FBXL20: variants seen among roughly 807,000 people sequenced by gnomAD.
The protein encoded by FBXL20 is F-box/LRR-repeat protein 20.
FBXL20 carries 11 observed loss-of-function variants against 64.0 expected under a neutral mutation model. The ratio of observed to expected loss-of-function variants is 0.17; its 90% CI spans 0.11 to 0.28. The LOEUF is 0.28. FBXL20 is among the 10% of genes least tolerant of loss of function. The probability of loss-of-function intolerance (pLI) is 1.00; values close to 1 mark genes in which losing one functional copy is unlikely to be tolerated. For synonymous variants in FBXL20, 184 were observed against 189.0 expected, an observed-to-expected ratio of 0.97 and a Z score of 0.22; for missense variants, 303 against 526.2, an observed-to-expected ratio of 0.58 and a Z score of 4.15.
chr17:39,279,968 G>A (rs1178782775), intron 9 of FBXL20, among the ~76,000 whole-genome samples: 1 of 152,058 alleles, frequency 6.6e-6, no homozygotes, highest in African/African-American at 2.4e-5. Flanking sequence ...ATCACCTGAG[G>A]TCAGGAGTTT....
chr17:39,319,256 AAG>A (rs908594885), intron 2 of FBXL20, among the ~76,000 whole-genome samples: 8 of 152,170 alleles, frequency 5.3e-5, no homozygotes, highest in South Asian at 2.1e-4. Flanking sequence ...TCAAAAAAAA[AAG>A]AGAGAGAGAG....
chr17:39,303,984 A>G (rs947970468), intron 2 of FBXL20, among the ~76,000 whole-genome samples: 1 of 152,164 alleles, frequency 6.6e-6, no homozygotes, highest in Non-Finnish European at 1.5e-5. Flanking sequence ...TCAGTATGAT[A>G]AAGTAGTTGC....
intron 1 of FBXL20, among the ~76,000 whole-genome samples, chr17:39,393,589 G>A (rs1237985667): frequency 2.6e-5 from 4 of 151,970 alleles, no homozygotes; most frequent in Non-Finnish European, 4.4e-5. Flanking sequence ...AAATTCCTGG[G>A]ATCAAGGACA....
At chr17:39,346,972 G>A (rs145999060) in intron 1 of FBXL20, among the ~76,000 whole-genome samples, 7 of 151,838 alleles carry the variant, frequency 4.6e-5, no homozygotes, top group Admixed American at 1.3e-4. Context: ...AAGTTTGCTC[G>A]GAATGATGGT....
chr17:39,303,711 G>C, intron 2 of FBXL20, 72 bp from the exon 3 acceptor site: 4 of 1,356,326 alleles, frequency 2.9e-6, no homozygotes, highest in Non-Finnish European at 4.1e-6. Flanking sequence ...TTTTGAGACA[G>C]GGTCTCACTC....
intron 6 of FBXL20, 33 bp downstream of exon 6, chr17:39,297,094 A>G: frequency 6.5e-7 from 1 of 1,529,096 alleles, no homozygotes; most frequent in Non-Finnish European, 9.0e-7. Context: ...ATAAGGGGTT[A>G]TGACTTATCC....
chr17:39,396,716 G>A (rs987271433), intron 1 of FBXL20, among the ~76,000 whole-genome samples: 3 of 152,056 alleles, frequency 2.0e-5, no homozygotes, highest in African/African-American at 7.2e-5. Context: ...AGCACTTTGG[G>A]AGGCTGAGGT....
intron 1 of FBXL20, among the ~76,000 whole-genome samples, chr17:39,386,098 AC>A (rs1403426882): frequency 6.6e-6 from 1 of 150,998 alleles, no homozygotes; most frequent in Non-Finnish European, 1.5e-5. Flanking sequence ...TAATCTCAGC[AC>A]TTTGGGAGGC....
At chr17:39,321,312 C>G (rs1223403662) in intron 2 of FBXL20, among the ~76,000 whole-genome samples, 2 of 150,994 alleles carry the variant, frequency 1.3e-5, no homozygotes, top group African/African-American at 4.9e-5. Flanking sequence ...ATTAGCCGGG[C>G]ACGGTGGCAG....
At chr17:39,366,597 A>C (rs1242613045) in intron 1 of FBXL20, among the ~76,000 whole-genome samples, 1 of 152,202 alleles carries the variant, frequency 6.6e-6, no homozygotes, top group Non-Finnish European at 1.5e-5. Flanking sequence ...AGTCTCTTGC[A>C]TGTCTAAAAT....
At chr17:39,315,129 C>T (rs1435893994) in intron 2 of FBXL20, among the ~76,000 whole-genome samples, 3 of 152,094 alleles carry the variant, frequency 2.0e-5, no homozygotes, top group East Asian at 1.9e-4. Flanking sequence ...GACAGGGTTT[C>T]GCCTTGTTGG....
chr17:39,295,710 A>C (rs2047077720), intron 6 of FBXL20, among the ~76,000 whole-genome samples: 1 of 151,198 alleles, frequency 6.6e-6, no homozygotes, highest in South Asian at 2.1e-4. Flanking sequence ...TCACTTCCCC[A>C]TATAAGTAAC....
At chr17:39,376,221 C>T (rs966801477) in intron 1 of FBXL20, among the ~76,000 whole-genome samples, 2 of 152,114 alleles carry the variant, frequency 1.3e-5, no homozygotes, top group Non-Finnish European at 2.9e-5. Context: ...TTGTTTTAAC[C>T]TGTCTGGTGC....
chr17:39,388,597 C>T (rs2048105297), intron 1 of FBXL20, among the ~76,000 whole-genome samples: 1 of 150,938 alleles, frequency 6.6e-6, no homozygotes, highest in Non-Finnish European at 1.5e-5. Context: ...AATTCTCCTG[C>T]CTCAGCCTCC....
intron 1 of FBXL20, among the ~76,000 whole-genome samples, chr17:39,369,424 ATATTTG>A: frequency 6.6e-6 from 1 of 151,750 alleles, no homozygotes; most frequent in African/African-American, 2.4e-5. Flanking sequence ...GGCCCAGGTA[ATATTTG>A]TATTTTTAGC....
At chr17:39,308,257 C>T (rs141609724) in intron 2 of FBXL20, among the ~76,000 whole-genome samples, 194 of 151,692 alleles carry the variant, frequency 1.3e-3, no homozygotes, top group African/African-American at 4.3e-3. Flanking sequence ...GCATTACAGG[C>T]GTGTGTCACC....
chr17:39,367,385 C>T (rs1174214187), intron 1 of FBXL20, among the ~76,000 whole-genome samples: 2 of 149,730 alleles, frequency 1.3e-5, no homozygotes, highest in African/African-American at 2.5e-5. Context: ...GGCGCAATCT[C>T]GGCTCACTGC....
intron 2 of FBXL20, among the ~76,000 whole-genome samples, chr17:39,319,256 A>G (rs1172554492): frequency 1.3e-5 from 2 of 152,052 alleles, no homozygotes; most frequent in Non-Finnish European, 2.9e-5. Flanking sequence ...TCAAAAAAAA[A>G]AGAGAGAGAG....
chr17:39,402,311 C>G, upstream of FBXL20: 2 of 897,064 alleles, frequency 2.2e-6, no homozygotes, highest in Non-Finnish European at 1.5e-6. Flanking sequence ...CCCCGCCTCC[C>G]CCGCCCCAGT....
Sources: allele counts gnomAD v4.1 joint callset (sites outside exome capture counted in the v4.1 genomes callset), GRCh38; gene constraint gnomAD v4.1.1; transcripts MANE v1.5; gene names NCBI Gene and HGNC (gene_info 2026-07-23, HGNC 2026-07-21).